The following UNC80 variants were observed in gnomAD, a reference collection of about 807,000 sequenced individuals.
UNC80 encodes the protein unc-80 subunit of NALCN channel complex, also known as protein unc-80 homolog.
A neutral mutation model predicts 384.6 loss-of-function variants in UNC80; 164 were observed. That is an observed-to-expected ratio of 0.43 (90% CI 0.38 to 0.49). The LOEUF is 0.49. Among genes scored for constraint, UNC80 ranks in the 20% least tolerant of loss-of-function variants. The probability of loss-of-function intolerance (pLI) is 0.00; values close to 1 mark genes in which losing one functional copy is unlikely to be tolerated. For synonymous variants in UNC80, 1,486 were observed against 1,527.8 expected, an observed-to-expected ratio of 0.97 and a Z score of 0.64; for missense variants, 3,330 against 4,143.0, an observed-to-expected ratio of 0.80 and a Z score of 5.39.
At chr2:209,836,916 T>C (rs1208791827) in intron 18 of UNC80, among the ~76,000 whole-genome samples, 1 of 152,212 alleles carries the variant, frequency 6.6e-6, no homozygotes, top group Non-Finnish European at 1.5e-5. Context: ...ATTGAGGAAA[T>C]TGAGAAATTA....
rs1474231297 is a variant in UNC80 at position 209,777,283 on chromosome 2, TGA to T, written c.327_328del (p.Glu109AspfsTer21). 2 of 1,601,392 alleles carry T rather than the reference TGA, an allele frequency of 1.2e-6. No individual in the cohort carries two copies. Among genetic ancestry groups the T allele is most frequent in the Non-Finnish European group, 1.7e-6 (2 of 1,174,978 alleles). ...GCCACCAGGATAAATTGGGTGTTGC[TGA>T]GACAAAGCTCCTTCACACTCTACAC... The part of the protein sequence containing the change: ...LGHQDKLGVA[E>X]TKLLHTLHWM... On this transcript the variant is annotated frameshift_variant, in exon 4 of 65. Coordinates refer to ENST00000673920, the MANE Select transcript of UNC80 (RefSeq NM_001371986.1). LOFTEE classifies it high-confidence loss of function.
chr2:209,919,473 T>C (rs1419921690), intron 33 of UNC80, among the ~76,000 whole-genome samples: 7 of 152,192 alleles, frequency 4.6e-5, no homozygotes, highest in Non-Finnish European at 1.0e-4. Context: ...TTTGTCCTTA[T>C]AGAATAGAAT....
At chr2:209,818,813 A>G (rs1243429227) in intron 11 of UNC80, among the ~76,000 whole-genome samples, 180 bp from the exon 12 acceptor site, 1 of 152,184 alleles carries the variant, frequency 6.6e-6, no homozygotes, top group African/African-American at 2.4e-5. Flanking sequence ...TCCACACATC[A>G]TATGGCCTTA....
chr2:209,986,224 T>C (rs2093284926), intron 61 of UNC80, among the ~76,000 whole-genome samples: 1 of 152,206 alleles, frequency 6.6e-6, no homozygotes, highest in African/African-American at 2.4e-5. Context: ...TAAAATTACA[T>C]GTGTGATGGG....
At chr2:209,809,355 C>A in intron 7 of UNC80, 1 of 898,984 alleles carries the variant, frequency 1.1e-6, no homozygotes, top group Non-Finnish European at 1.9e-6. Context: ...AGGCCTTCTC[C>A]AGACCCTGGC....
At chr2:209,982,136 G>A (rs764756852) in intron 59 of UNC80, 43 bp from the exon 60 acceptor site, 1 of 1,536,144 alleles carries the variant, frequency 6.5e-7, no homozygotes, top group South Asian at 1.2e-5. Context: ...TTTCTGATCA[G>A]TGTCATAGTT....
chr2:209,781,398 T>G (rs564747431), intron 4 of UNC80, among the ~76,000 whole-genome samples: 7 of 152,304 alleles, frequency 4.6e-5, no homozygotes, highest in Admixed American at 2.6e-4. Flanking sequence ...ACTACACTGT[T>G]TTTTAGGTTT....
At chr2:209,857,989 G>A (rs180887647) in intron 22 of UNC80, among the ~76,000 whole-genome samples, 117 of 152,068 alleles carry the variant, frequency 7.7e-4, no homozygotes, top group African/African-American at 2.7e-3. Context: ...ATTTGTATTC[G>A]CCACTTGTAG....
chr2:209,957,524 T>C (rs1575141994), intron 48 of UNC80, 120 bp from the exon 49 acceptor site: 2 of 846,582 alleles, frequency 2.4e-6, no homozygotes, highest in East Asian at 5.5e-5. Context: ...AGCCTGTCTT[T>C]TGAAGACTCT....
At chr2:209,961,994 A>T (rs182684218) in intron 51 of UNC80, among the ~76,000 whole-genome samples, 1 of 152,270 alleles carries the variant, frequency 6.6e-6, no homozygotes, top group East Asian at 1.9e-4. Flanking sequence ...AAAGGGTATG[A>T]TCCCATTCTA....
At position 209,943,360 on chromosome 2, in the gene UNC80, T is replaced by C; in HGVS notation, c.6916-20T>C. 1 of 1,551,132 alleles carries C rather than the reference T, an allele frequency of 6.4e-7. No individual in the cohort carries two copies. The highest frequency in any genetic ancestry group is 8.7e-7 in the Non-Finnish European group (1 of 1,146,640). Reference sequence around the variant, plus strand: ...ATACTTCATTAAGGCATTTTTTGAATATCTGGCATTTTTCCATAGGTGTAC... The same window carrying C: ...ATACTTCATTAAGGCATTTTTTGAACATCTGGCATTTTTCCATAGGTGTAC... On this transcript the variant is annotated intron_variant, in intron 44 of 64. Coordinates refer to ENST00000673920, the MANE Select transcript of UNC80 (RefSeq NM_001371986.1).
At chr2:209,945,611 A>AT (rs1018372216) in intron 46 of UNC80, among the ~76,000 whole-genome samples, 2 of 152,104 alleles carry the variant, frequency 1.3e-5, no homozygotes, top group African/African-American at 2.4e-5. Flanking sequence ...ATTATCTGAG[A>AT]TTTTTTTAAA....
chr2:209,988,864 G>C (rs2125029235), intron 61 of UNC80, among the ~76,000 whole-genome samples: 1 of 152,172 alleles, frequency 6.6e-6, no homozygotes, highest in South Asian at 2.1e-4. Context: ...ATTTTTCATT[G>C]ACTCAAAAAT....
At chr2:209,947,258 T>C (rs1223658516) in intron 47 of UNC80, among the ~76,000 whole-genome samples, 2 of 152,230 alleles carry the variant, frequency 1.3e-5, no homozygotes, top group Non-Finnish European at 2.9e-5. Flanking sequence ...CCATTCCAAG[T>C]GTGTTCAGCT....
chr2:209,883,331 T>C (rs946772147), intron 25 of UNC80, among the ~76,000 whole-genome samples: 1 of 152,092 alleles, frequency 6.6e-6, no homozygotes, highest in African/African-American at 2.4e-5. Flanking sequence ...AGCACATCTA[T>C]GGAGCATCTT....
chr2:209,815,222 T>C, intron 8 of UNC80, 35 bp from the exon 9 acceptor site: 1 of 1,546,030 alleles, frequency 6.5e-7, no homozygotes, highest in Non-Finnish European at 8.7e-7. Flanking sequence ...GGATGTAAAG[T>C]CCTAAGTCCT....
At chr2:209,963,655 A>T (rs2092662869) in intron 51 of UNC80, among the ~76,000 whole-genome samples, 1 of 152,162 alleles carries the variant, frequency 6.6e-6, no homozygotes. Flanking sequence ...TATTTTCTGT[A>T]TATCAAATTC....
Position 209,830,703 on chromosome 2 carries a change from G to T in UNC80, c.2627-740G>T, listed in dbSNP as rs145048004. Among the ~76,000 whole-genome samples, 32 of 152,238 alleles carry T rather than the reference G, an allele frequency of 2.1e-4. No homozygotes were observed. The East Asian group carries it at 4.6e-3, about 22-fold the overall frequency. ...CAGGCCATGAGAAATCCTCTGGCAC[G>T]GGCACAGGATACCTATGAAAGATCC... On this transcript the variant is annotated intron_variant, in intron 15 of 64. Transcript: ENST00000673920.
At position 209,939,568 on chromosome 2, in the gene UNC80, A is replaced by G. The variant is rs1365600611; in HGVS notation, c.6562A>G (p.Met2188Val). Residue 2188 changes from methionine to valine, a missense_variant, in exon 43 of 65, where the codon ATG becomes GTG. This residue lies in a region of UNC80 where 1,049 missense variants were observed against 1,488.6 expected (regional missense o/e 0.70). Coordinates refer to ENST00000673920, the MANE Select transcript of UNC80 (RefSeq NM_001371986.1). ...AGCCCACAAACAGTCCCACGTCTCCATGCTTCAGGAAGACCTCCTCCGCCT... is the reference window on the plus strand; with the variant it reads ...AGCCCACAAACAGTCCCACGTCTCCGTGCTTCAGGAAGACCTCCTCCGCCT... ...PTAHKQSHVS[M>V]LQEDLLRLPS... 1.3e-6 allele frequency: 2 copies of G among 1,551,682 alleles called. No individual in the cohort carries two copies.
Sources: gnomAD v4.1 joint callset for allele counts (sites outside exome capture counted in the v4.1 genomes callset) on GRCh38, gnomAD v4.1.1 for gene constraint, gnomAD v4.1.1 regional missense constraint, MANE v1.5 for transcripts, NCBI Gene and HGNC (gene_info 2026-07-23, HGNC 2026-07-21) for gene names.